Variants in NBEA observed in about 807,000 individuals in gnomAD.
The protein encoded by NBEA is neurobeachin, also known as lysosomal-trafficking regulator 2.
NBEA carries 44 observed loss-of-function variants against 343.4 expected under a neutral mutation model. The observed-to-expected ratio is 0.13, with a 90% CI of 0.10 to 0.16. NBEA has a LOEUF of 0.16. Ranked by LOEUF, NBEA falls within the 10% of genes least tolerant of loss-of-function variation. The probability of loss-of-function intolerance (pLI) is 1.00; values close to 1 mark genes in which losing one functional copy is unlikely to be tolerated. For synonymous variants in NBEA, 1,175 were observed against 1,238.7 expected (o/e 0.95, Z 1.08); for missense variants, 2,555 against 3,631.3 (o/e 0.70, Z 7.62).
At chr13:35,162,322 G>C (rs371920119) in intron 23 of NBEA, among the ~76,000 whole-genome samples, 1 of 152,194 alleles carries the variant, frequency 6.6e-6, no homozygotes, top group East Asian at 1.9e-4. Context: ...AATTAATTAA[G>C]AGAGCACATC....
intron 17 of NBEA, among the ~76,000 whole-genome samples, chr13:35,129,831 A>G (rs2067318840): frequency 1.3e-5 from 2 of 152,130 alleles, no homozygotes; most frequent in African/African-American, 2.4e-5. Flanking sequence ...CCAGAACCCA[A>G]CAAGGACAAG....
At chr13:35,244,641 T>C (rs1037889727) in intron 34 of NBEA, among the ~76,000 whole-genome samples, 54 of 152,068 alleles carry the variant, frequency 3.6e-4, no homozygotes, top group African/African-American at 1.2e-3. Context: ...TTTTTTCTAG[T>C]TCCGTGAAGA....
intron 1 of NBEA, among the ~76,000 whole-genome samples, chr13:34,956,582 A>G (rs932362724): frequency 6.6e-6 from 1 of 152,150 alleles, no homozygotes; most frequent in Admixed American, 6.6e-5. Flanking sequence ...GTTTTGATAC[A>G]TGTATACATT....
chr13:35,041,147 T>C lies in NBEA; in HGVS notation c.509T>C (p.Val170Ala). 6.2e-7 allele frequency: 1 copy of C among 1,611,522 alleles called. No individual in the cohort carries two copies. The highest frequency in any genetic ancestry group is 8.5e-7 in the Non-Finnish European group (1 of 1,179,226). Residue 170 changes from valine to alanine, a missense_variant, in exon 2 of 59, where the codon GTA (valine) becomes GCA (alanine). Around this residue, in one of 21 missense-constraint regions of NBEA, gnomAD observed 185 missense variants for 290.6 expected, o/e 0.64. Transcript: ENST00000379939. ...IEQVLLKMSAVDDMIADLLVD... is the reference protein window; with the variant it reads ...IEQVLLKMSAADDMIADLLVD... ...CAAGTATTGCTGAAAATGAGTGCTGTAGATGACATGATAGCAGGTATGGGG... is the reference window on the plus strand; with the variant it reads ...CAAGTATTGCTGAAAATGAGTGCTGCAGATGACATGATAGCAGGTATGGGG...
At chr13:35,112,094 T>C (rs1360774431) in intron 13 of NBEA, among the ~76,000 whole-genome samples, 2 of 151,842 alleles carry the variant, frequency 1.3e-5, no homozygotes, top group Non-Finnish European at 2.9e-5. Context: ...TTTTTTTATA[T>C]TTTTAGTGGA....
At chr13:35,484,769 C>T (rs2152969130) in intron 41 of NBEA, among the ~76,000 whole-genome samples, 1 of 152,120 alleles carries the variant, frequency 6.6e-6, no homozygotes, top group African/African-American at 2.4e-5. Context: ...CATGTATTTG[C>T]ATAGATTTTA....
intron 36 of NBEA, among the ~76,000 whole-genome samples, chr13:35,336,461 G>A (rs572558661): frequency 8.5e-5 from 13 of 152,144 alleles, no homozygotes; most frequent in African/African-American, 2.2e-4. Context: ...GGAAAGTAGC[G>A]TGGCACTTCC....
intron 2 of NBEA, among the ~76,000 whole-genome samples, chr13:35,043,758 A>G (rs2062743116): frequency 6.6e-6 from 1 of 151,984 alleles, no homozygotes; most frequent in Non-Finnish European, 1.5e-5. Flanking sequence ...ATTTTGAAAT[A>G]TACAAATGAC....
chr13:35,654,274 C>T (rs1257199309), intron 53 of NBEA, among the ~76,000 whole-genome samples: 1 of 152,152 alleles, frequency 6.6e-6, no homozygotes, highest in Admixed American at 6.5e-5. Context: ...TTGTTCCTCT[C>T]CTCCCCTGCT....
chr13:35,526,677 T>C (rs1215007256), intron 41 of NBEA, among the ~76,000 whole-genome samples: 1 of 152,184 alleles, frequency 6.6e-6, no homozygotes, highest in Non-Finnish European at 1.5e-5. Context: ...TGGCAGGCTA[T>C]GCTAAGCTTG....
At chr13:35,648,005 A>G (rs943319714) in intron 51 of NBEA, among the ~76,000 whole-genome samples, 5 of 151,864 alleles carry the variant, frequency 3.3e-5, no homozygotes, top group Admixed American at 3.3e-4. Context: ...TCTTCCTAGT[A>G]GCTGGGACTA....
intron 38 of NBEA, among the ~76,000 whole-genome samples, chr13:35,406,785 AT>A (rs2043292757): frequency 6.6e-6 from 1 of 152,078 alleles, no homozygotes; most frequent in South Asian, 2.1e-4. Context: ...TCAATTGTTA[AT>A]TTTGTTCCTC....
Position 35,118,437 on chromosome 13 carries a change from T to A in NBEA, c.2206T>A (p.Ser736Thr). The A allele has an allele frequency of 6.2e-7, 1 of 1,606,062 alleles. No homozygotes were observed. Among genetic ancestry groups the A allele is most frequent in the Non-Finnish European group, 8.5e-7 (1 of 1,176,558 alleles). ...LVALMSEHPA[S>T]MIPAFDQRNG... ...GGCTTTAATGTCGGAACACCCAGCC[T>A]CAATGATACCAGCATTTGATCAAAG... The change falls in exon 16 of 59, where the codon TCA (serine) becomes ACA (threonine). Residue 736 changes from serine to threonine, a missense_variant. By Grantham distance (58) the Ser-to-Thr change is moderately conservative. Transcript: ENST00000379939.
intron 41 of NBEA, among the ~76,000 whole-genome samples, chr13:35,488,439 T>G (rs1459848663): frequency 6.6e-6 from 1 of 151,948 alleles, no homozygotes; most frequent in Non-Finnish European, 1.5e-5. Flanking sequence ...ATAAAGTATA[T>G]ACTTTATGTA....
intron 53 of NBEA, among the ~76,000 whole-genome samples, chr13:35,654,652 A>G (rs1447505176): frequency 6.6e-6 from 1 of 152,170 alleles, no homozygotes; most frequent in African/African-American, 2.4e-5. Context: ...TTTCTGGCAT[A>G]ATTTTAAAAT....
intron 38 of NBEA, among the ~76,000 whole-genome samples, chr13:35,373,485 G>A (rs549025292): frequency 6.6e-6 from 1 of 152,044 alleles, no homozygotes; most frequent in Non-Finnish European, 1.5e-5. Context: ...GCAGGCAATT[G>A]CTTGAGTCCA....
At chr13:34,976,707 A>G (rs1403969455) in intron 1 of NBEA, among the ~76,000 whole-genome samples, 1 of 143,462 alleles carries the variant, frequency 7.0e-6, no homozygotes, top group African/African-American at 2.6e-5. Context: ...CATAAAGGAG[A>G]GATATATAAG....
At chr13:34,976,647 GTTTTTTGTT>G (rs1409046288) in intron 1 of NBEA, among the ~76,000 whole-genome samples, 16 of 141,868 alleles carry the variant, frequency 1.1e-4, no homozygotes, top group African/African-American at 4.0e-4. Context: ...TTTTTTCTTT[GTTTTTTGTT>G]TTTTTTTTTT....
At chr13:35,592,185 T>C (rs1417803570) in intron 46 of NBEA, among the ~76,000 whole-genome samples, 1 of 152,116 alleles carries the variant, frequency 6.6e-6, no homozygotes, top group Admixed American at 6.6e-5. Flanking sequence ...TTTTCTGCTA[T>C]AGGAACATGT....
Sources: allele counts gnomAD v4.1 joint callset (sites outside exome capture counted in the v4.1 genomes callset), GRCh38; gene constraint gnomAD v4.1.1; regional missense constraint gnomAD v4.1.1; transcripts MANE v1.5; gene names NCBI Gene and HGNC (gene_info 2026-07-23, HGNC 2026-07-21).